FAM135B: variants seen among roughly 807,000 people sequenced by gnomAD.
FAM135B encodes family with sequence similarity 135 member B, also known as protein FAM135B.
A neutral mutation model predicts 127.7 loss-of-function variants in FAM135B; 43 were observed. The ratio of observed to expected loss-of-function variants is 0.34; its 90% CI spans 0.26 to 0.43. The LOEUF is 0.43. Ranked by LOEUF, FAM135B falls within the 20% of genes least tolerant of loss-of-function variation. The pLI, the probability that FAM135B is intolerant of heterozygous loss-of-function variation, is 1.00. For missense variants in FAM135B, 1,558 were observed against 1,725.6 expected (o/e 0.90, Z 1.72); for synonymous variants, 670 against 665.1 (o/e 1.01, Z -0.11).
chr8:138,403,309 C>T (rs564884889), intron 1 of FAM135B, among the ~76,000 whole-genome samples: 2 of 152,088 alleles, frequency 1.3e-5, no homozygotes, highest in Non-Finnish European at 2.9e-5. Context: ...CATTCCCATG[C>T]TTTTACGTGA....
chr8:138,149,140 TAA>T (rs1817908318), intron 13 of FAM135B, among the ~76,000 whole-genome samples: 1 of 15,182 alleles, frequency 6.6e-5, no homozygotes, highest in South Asian at 2.5e-3. Flanking sequence ...AATAAAAAAA[TAA>T]ATAAATAAAT....
intron 1 of FAM135B, among the ~76,000 whole-genome samples, chr8:138,402,275 C>T (rs1330354017): frequency 6.6e-6 from 1 of 152,012 alleles, no homozygotes; most frequent in Non-Finnish European, 1.5e-5. Context: ...TGTATAAAGG[C>T]CTATGAAGTC....
chr8:138,486,956 GTTTTC>G (rs750822090), intron 1 of FAM135B, among the ~76,000 whole-genome samples: 8 of 152,006 alleles, frequency 5.3e-5, no homozygotes, highest in East Asian at 3.9e-4. Context: ...AGGACTTTCA[GTTTTC>G]TTTTCTTTTT....
At chr8:138,134,981 C>T (rs951198731) in intron 19 of FAM135B, among the ~76,000 whole-genome samples, 2 of 152,110 alleles carry the variant, frequency 1.3e-5, no homozygotes, top group Admixed American at 6.5e-5. Flanking sequence ...ATAATAAATA[C>T]AATTTGCTAT....
intron 17 of FAM135B, among the ~76,000 whole-genome samples, chr8:138,139,984 G>A (rs1219064235): frequency 6.6e-6 from 1 of 152,130 alleles, no homozygotes; most frequent in Non-Finnish European, 1.5e-5. Flanking sequence ...AAATTACTCT[G>A]GATATGCTAG....
chr8:138,197,486 G>A (rs201265271), intron 8 of FAM135B, 30 bp downstream of exon 8: 1 of 1,599,760 alleles, frequency 6.3e-7, no homozygotes, highest in Non-Finnish European at 8.6e-7. Context: ...GAGCTGCTGG[G>A]ATGGGCTTGC....
chr8:138,419,298 A>G (rs1834351360), intron 1 of FAM135B, among the ~76,000 whole-genome samples: 1 of 152,200 alleles, frequency 6.6e-6, no homozygotes, highest in Admixed American at 6.5e-5. Context: ...CAACTCAACA[A>G]GAAGACTTAA....
At position 138,239,826 on chromosome 8, in the gene FAM135B, A is replaced by G. The variant is rs180877349; in HGVS notation, c.669+3116T>C. On this transcript the variant is annotated intron_variant, in intron 7 of 19. Coordinates refer to ENST00000395297, the MANE Select transcript of FAM135B (RefSeq NM_015912.4). ...ATGGAATACTATGCAGCCATAAAAA[A>G]GGATGAGTTCCTGTCCTTTGTAGGG... Among the ~76,000 whole-genome samples, 161 of 152,336 alleles carry G rather than the reference A, an allele frequency of 1.1e-3. No homozygotes were observed. The East Asian group carries it at 0.025, about 24-fold the overall frequency.
chr8:138,194,926 G>T (rs1474746572), intron 9 of FAM135B, among the ~76,000 whole-genome samples: 1 of 152,200 alleles, frequency 6.6e-6, no homozygotes. Context: ...ACAAGATTCT[G>T]TCATCCACAG....
chr8:138,235,754 C>A (rs1820225905), intron 7 of FAM135B, among the ~76,000 whole-genome samples: 1 of 152,158 alleles, frequency 6.6e-6, no homozygotes, highest in Non-Finnish European at 1.5e-5. Context: ...TAAAGCTAAG[C>A]ACATCCTCTT....
At chr8:138,389,283 A>T (rs924133684) in intron 1 of FAM135B, among the ~76,000 whole-genome samples, 3 of 152,174 alleles carry the variant, frequency 2.0e-5, no homozygotes, top group African/African-American at 7.2e-5. Context: ...TTACCACACG[A>T]CCCAGCAATC....
intron 11 of FAM135B, among the ~76,000 whole-genome samples, chr8:138,176,726 T>C (rs1189603928): frequency 6.6e-6 from 1 of 152,208 alleles, no homozygotes; most frequent in Non-Finnish European, 1.5e-5. Flanking sequence ...CATTTAATGT[T>C]TGAGGTGAAC....
chr8:138,401,791 T>C (rs1833168877), intron 1 of FAM135B, among the ~76,000 whole-genome samples: 1 of 152,122 alleles, frequency 6.6e-6, no homozygotes, highest in Non-Finnish European at 1.5e-5. Context: ...CACTCCTGGG[T>C]AATACATTTT....
chr8:138,216,987 C>A (rs1818597230), intron 7 of FAM135B, among the ~76,000 whole-genome samples: 1 of 152,104 alleles, frequency 6.6e-6, no homozygotes, highest in Non-Finnish European at 1.5e-5. Flanking sequence ...CAAATAGAAA[C>A]CCTTGTTGCC....
At chr8:138,464,174 T>A (rs1310704448) in intron 1 of FAM135B, among the ~76,000 whole-genome samples, 13 of 152,078 alleles carry the variant, frequency 8.5e-5, no homozygotes, top group Admixed American at 8.5e-4. Flanking sequence ...CTTAAGAAGG[T>A]TGCAGCCTAT....
chr8:138,197,075 ATGTGTGTGTGTGTGTGTGTGTGTG>A (rs6150843), intron 8 of FAM135B, among the ~76,000 whole-genome samples: 22 of 132,352 alleles, frequency 1.7e-4, no homozygotes, highest in African/African-American at 4.9e-4. Context: ...ATGTATGCAT[ATGTGTGTGTGTGTGTGTGTGTGTG>A]TGTGTGTGTG....
At chr8:138,212,863 A>G (rs1378909214) in intron 7 of FAM135B, among the ~76,000 whole-genome samples, 1 of 152,248 alleles carries the variant, frequency 6.6e-6, no homozygotes, top group Non-Finnish European at 1.5e-5. Flanking sequence ...TTTAGTTGTC[A>G]GATCATTATA....
rs542700606 is a variant in FAM135B, at chr8:138,350,064, G to A, written c.77+17843C>T. On this transcript the variant is annotated intron_variant, in intron 2 of 19. Coordinates refer to ENST00000395297, the MANE Select transcript of FAM135B (RefSeq NM_015912.4). ...AAGTACCTTGGCCATGACCACCATC[G>A]CTCAGATGTCCTGAAGTAAAGACTA... Among the ~76,000 whole-genome samples, 150 of 152,168 alleles carry A rather than the reference G, an allele frequency of 9.9e-4. 1 individual carries two copies. The highest frequency in any genetic ancestry group is 3.5e-3 in the African/African-American group (144 of 41,522).
chr8:138,489,035 C>T (rs1347932199), intron 1 of FAM135B, among the ~76,000 whole-genome samples: 1 of 152,158 alleles, frequency 6.6e-6, no homozygotes, highest in Non-Finnish European at 1.5e-5. Flanking sequence ...GCTTCCTCTA[C>T]CTCTATACTT....
Sources: gnomAD v4.1 joint callset for allele counts (sites outside exome capture counted in the v4.1 genomes callset) on GRCh38, gnomAD v4.1.1 for gene constraint, MANE v1.5 for transcripts, NCBI Gene and HGNC (gene_info 2026-07-23, HGNC 2026-07-21) for gene names.